The following EIF3F variants were observed in gnomAD, a reference collection of about 807,000 sequenced individuals.
EIF3F encodes deubiquitinating enzyme eIF3f.
A neutral mutation model predicts 36.0 loss-of-function variants in EIF3F; 8 were observed. That is an observed-to-expected ratio of 0.22 (90% confidence interval 0.13 to 0.40). The LOEUF (loss-of-function observed/expected upper bound fraction) is 0.40. Among genes scored for constraint, EIF3F ranks in the 10% least tolerant of loss-of-function variants. The pLI, the probability that EIF3F is intolerant of heterozygous loss-of-function variation, is 1.00. For missense variants in EIF3F, 430 were observed against 467.6 expected (o/e 0.92, Z 0.74); for synonymous variants, 184 against 188.5 (o/e 0.98, Z 0.19).
intron 7 of EIF3F, 190 bp downstream of exon 7, chr11:7,995,557 T>G (rs1942151108): frequency 6.5e-6 from 4 of 614,846 alleles, no homozygotes; most frequent in Non-Finnish European, 1.2e-5. Flanking sequence ...ACTTCCTTCC[T>G]TCTCCCATGA....
In EIF3F at chr11:8,001,812, A is replaced by G. The variant is rs1181057208; in HGVS notation, c.*5790A>G. 2.6e-5 allele frequency: 4 copies of G among 152,154 alleles called. No homozygotes were observed. The highest frequency in any genetic ancestry group is 4.4e-5 in the Non-Finnish European group (3 of 68,040). The allele number at this position is 152,154 out of a possible 1,614,324, so 9.4% of individuals were successfully genotyped here. On this transcript the variant is annotated 3_prime_UTR_variant, in exon 8 of 8. Coordinates refer to ENST00000651655, the MANE Select transcript of EIF3F (RefSeq NM_003754.3). ...TTTTGAATTTTATGCTGTTAATGTA[A>G]TTTTTCAAAAAAATATATAAAAATA... is the stretch of plus-strand genomic sequence containing the variant.
rs1370945795 is a variant in EIF3F, at chr11:8,001,419, G to T, written c.*5397G>T. Reference sequence around the variant, plus strand: ...TGGTCTCGTTATGACACAATGTAATGAATACATAGATAAGTACTGAAATAC... The same window carrying T: ...TGGTCTCGTTATGACACAATGTAATTAATACATAGATAAGTACTGAAATAC... On this transcript the variant is annotated 3_prime_UTR_variant, in exon 8 of 8. Transcript: ENST00000651655. The T allele has an allele frequency of 1.3e-5, 2 of 152,144 alleles. No homozygotes were observed. Among genetic ancestry groups the T allele is most frequent in the Non-Finnish European group, 2.9e-5 (2 of 68,030 alleles). 9.4% of individuals were successfully genotyped at this position (152,144 alleles called of 1,614,324 possible).
At position 7,994,970 on chromosome 11, in the gene EIF3F, C is replaced by A; in HGVS notation, c.746-12C>A. Reference sequence around the variant, plus strand: ...CCACTGCCGCTGCCACCCTGCCAACCAACTTCCATAGTTGACCTGATCATG... The same window carrying A: ...CCACTGCCGCTGCCACCCTGCCAACAAACTTCCATAGTTGACCTGATCATG... On this transcript the variant is annotated splice_polypyrimidine_tract_variant and intron_variant, in intron 5 of 7. Coordinates refer to ENST00000651655, the MANE Select transcript of EIF3F (RefSeq NM_003754.3). The A allele has an allele frequency of 6.2e-7, 1 of 1,610,952 alleles. No homozygotes were observed. The highest frequency in any genetic ancestry group is 1.1e-5 in the South Asian group (1 of 90,922).
rs1942184927 is a variant in EIF3F, at chr11:7,998,281, A to G, written c.*2259A>G. The G allele has an allele frequency of 6.6e-6, 1 of 152,210 alleles. No individual in the cohort carries two copies. Among genetic ancestry groups the G allele is most frequent in the Non-Finnish European group, 1.5e-5 (1 of 68,044 alleles). The allele number at this position is 152,210 out of a possible 1,614,324, so 9.4% of individuals were successfully genotyped here. On this transcript the variant is annotated 3_prime_UTR_variant, in exon 8 of 8. Transcript: ENST00000651655. ...ACTTGTTACATGTGTTTCTGTTTGA[A>G]GACACCTTAGTATATATGGTTGACC...
In EIF3F at chr11:7,998,443, C is replaced by G. The variant is rs1254404598; in HGVS notation, c.*2421C>G. On this transcript the variant is annotated 3_prime_UTR_variant, in exon 8 of 8. Coordinates refer to ENST00000651655, the MANE Select transcript of EIF3F (RefSeq NM_003754.3). ...TGGGGGTCACTTTAAGCAGCAAAAT[C>G]CACAAAAATGCAAAAGACATGGCAC... 1 of 152,162 alleles carries G rather than the reference C, an allele frequency of 6.6e-6. No individual in the cohort carries two copies. The highest frequency in any genetic ancestry group is 1.5e-5 in the Non-Finnish European group (1 of 68,040). 9.4% of individuals were successfully genotyped at this position (152,162 alleles called of 1,614,324 possible).
chr11:7,998,265 A>T lies in EIF3F; in HGVS notation c.*2243A>T, dbSNP rs553227058. The T allele has an allele frequency of 1.3e-5, 2 of 152,338 alleles. No homozygotes were observed. The highest frequency in any genetic ancestry group is 2.1e-4 in the South Asian group (1 of 4,828). 9.4% of individuals were successfully genotyped at this position (152,338 alleles called of 1,614,324 possible). On this transcript the variant is annotated 3_prime_UTR_variant, in exon 8 of 8. Transcript: ENST00000651655. ...ACCCATCAGTACATAAACTTGTTAC[A>T]TGTGTTTCTGTTTGAAGACACCTTA...
At chr11:7,993,086 C>G in intron 4 of EIF3F, 62 bp downstream of exon 4, 1 of 1,501,838 alleles carries the variant, frequency 6.7e-7, no homozygotes, top group South Asian at 1.3e-5. Flanking sequence ...CCTCCCCCAC[C>G]CCAAGCAAGG....
At position 7,999,801 on chromosome 11, in the gene EIF3F, C is replaced by G. The variant is rs926780643; in HGVS notation, c.*3779C>G. 18 of 152,250 alleles carry G rather than the reference C, an allele frequency of 1.2e-4. No individual in the cohort carries two copies. Among genetic ancestry groups the G allele is most frequent in the Admixed American group, 9.8e-4 (15 of 15,288 alleles). 9.4% of individuals were successfully genotyped at this position (152,250 alleles called of 1,614,324 possible). The stretch of plus-strand genomic sequence containing the variant: ...CACATATGATCCAGCAATCCCACTA[C>G]TGGGTATATATCCAAAGGAAATGAA... On this transcript the variant is annotated 3_prime_UTR_variant, in exon 8 of 8. Coordinates refer to ENST00000651655, the MANE Select transcript of EIF3F (RefSeq NM_003754.3).
At chr11:7,987,833 C>T (rs1305642972) in intron 1 of EIF3F, 117 bp downstream of exon 1, 13 of 1,353,418 alleles carry the variant, frequency 9.6e-6, no homozygotes, top group South Asian at 3.7e-5. Context: ...CTCCCATCCC[C>T]AATGACCTCT....
intron 4 of EIF3F, among the ~76,000 whole-genome samples, chr11:7,993,299 C>G (rs540348436): frequency 6.6e-6 from 1 of 152,298 alleles, no homozygotes; most frequent in Admixed American, 6.5e-5. Context: ...CCTAACTATT[C>G]CATAGTTCCT....
chr11:7,995,446 G>C, intron 7 of EIF3F, 79 bp downstream of exon 7: 1 of 1,201,162 alleles, frequency 8.3e-7, no homozygotes, highest in Non-Finnish European at 1.2e-6. Context: ...GAAAAGAGTT[G>C]GGTGAGGTGA....
chr11:7,999,777 A>G lies in EIF3F; in HGVS notation c.*3755A>G, dbSNP rs1257579841. ...TTTGTAGAGCTTCCTCAATAAAAAC[A>G]CATATGATCCAGCAATCCCACTACT... On this transcript the variant is annotated 3_prime_UTR_variant, in exon 8 of 8. Coordinates refer to ENST00000651655, the MANE Select transcript of EIF3F (RefSeq NM_003754.3). The G allele has an allele frequency of 6.6e-6, 1 of 152,232 alleles. No individual in the cohort carries two copies. The allele number at this position is 152,232 out of a possible 1,614,324, so 9.4% of individuals were successfully genotyped here. A position where few individuals can be genotyped will look rare whatever the true frequency, so the allele number is the denominator to read the frequency against.
Position 7,992,064 on chromosome 11 carries a change from T to C in EIF3F, c.436-20T>C. 1.9e-6 allele frequency: 3 copies of C among 1,612,082 alleles called. No homozygotes were observed. The highest frequency in any genetic ancestry group is 2.5e-6 in the Non-Finnish European group (3 of 1,179,554). Reference sequence around the variant, plus strand: ...TTGGACTTCTGGCTTCTTAGCTTGCTTTCCTGCCTTCCCTCTTAGGTGGCT... The same window carrying C: ...TTGGACTTCTGGCTTCTTAGCTTGCCTTCCTGCCTTCCCTCTTAGGTGGCT... On this transcript the variant is annotated intron_variant, in intron 2 of 7. Transcript: ENST00000651655.
intron 3 of EIF3F, 108 bp downstream of exon 3, chr11:7,992,271 A>G (rs1232918667): frequency 1.0e-6 from 1 of 977,858 alleles, no homozygotes; most frequent in African/African-American, 1.6e-5. Flanking sequence ...AGGCAAGAGT[A>G]TTGCAAGTGT....
intron 7 of EIF3F, 55 bp from the exon 8 acceptor site, chr11:7,995,890 T>C: frequency 6.5e-7 from 1 of 1,526,782 alleles, no homozygotes; most frequent in Non-Finnish European, 9.1e-7. Context: ...AAAGCCAGCC[T>C]TTTTGCTCCC....
chr11:7,995,367 T>A lies in EIF3F; in HGVS notation c.996T>A (p.Asn332Lys). The change falls in exon 7 of 8, where the codon AAT becomes AAA. Residue 332 changes from asparagine (N) to lysine (K), a missense_variant and splice_region_variant. By Grantham distance (94) the Asn-to-Lys change is moderately conservative. Transcript: ENST00000651655. ...DFETMLNSNI[N>K]DLLMVTYLAN... ...AGACCATGCTCAACAGCAACATCAA[T>A]GTGAGTGCCCTTCCTGAGCCCCTTC... 1 of 1,611,424 alleles carries A rather than the reference T, an allele frequency of 6.2e-7. No individual in the cohort carries two copies. Among genetic ancestry groups the A allele is most frequent in the Non-Finnish European group, 8.5e-7 (1 of 1,177,532 alleles).
chr11:7,988,483 A>G (rs1176418491), intron 1 of EIF3F, among the ~76,000 whole-genome samples: 1 of 152,214 alleles, frequency 6.6e-6, no homozygotes, highest in Non-Finnish European at 1.5e-5. Context: ...GGGAATAGAT[A>G]TTTTATGTTA....
Position 7,998,786 on chromosome 11 carries a change from AAAAT to A in EIF3F, c.*2767_*2770del, listed in dbSNP as rs1942190159. On this transcript the variant is annotated 3_prime_UTR_variant, in exon 8 of 8. Coordinates refer to ENST00000651655, the MANE Select transcript of EIF3F (RefSeq NM_003754.3). Reference sequence around the variant, plus strand: ...TGGTGGTGAGAAGAGGATGGCAAGTAAAATAAGTCTGTATTGTTATCAGCAATTA... The same window carrying A: ...TGGTGGTGAGAAGAGGATGGCAAGTAAAGTCTGTATTGTTATCAGCAATTA... The A allele has an allele frequency of 6.6e-6, 1 of 152,232 alleles. No homozygotes were observed. Among genetic ancestry groups the A allele is most frequent in the African/African-American group, 2.4e-5 (1 of 41,474 alleles). 9.4% of individuals were successfully genotyped at this position (152,232 alleles called of 1,614,324 possible).
chr11:7,995,230 T>C (rs1267259877), intron 6 of EIF3F, 24 bp from the exon 7 acceptor site: 2 of 1,610,882 alleles, frequency 1.2e-6, no homozygotes, highest in South Asian at 2.2e-5. Context: ...AACTGCCTCA[T>C]CGAGTCTTTG....
Sources: allele counts gnomAD v4.1 joint callset (sites outside exome capture counted in the v4.1 genomes callset), GRCh38; gene constraint gnomAD v4.1.1; transcripts MANE v1.5; gene names NCBI Gene and HGNC (gene_info 2026-07-23, HGNC 2026-07-21).